Variants in RGS3 observed in about 807,000 individuals in gnomAD.
RGS3 encodes the protein regulator of G-protein signalling 3.
Under a neutral mutation model 132.6 loss-of-function variants are expected in RGS3, and 80 were observed. That is an observed-to-expected ratio of 0.60 (90% CI 0.50 to 0.73). RGS3 has a LOEUF of 0.73. RGS3 is among the 30% of genes least tolerant of loss of function. RGS3 has a pLI of 0.00. For missense variants in RGS3, 1,382 were observed against 1,530.8 expected, an observed-to-expected ratio of 0.90 and a Z score of 1.62; for synonymous variants, 598 against 620.6, an observed-to-expected ratio of 0.96 and a Z score of 0.54.
At chr9:113,525,455 C>T (rs1036945500) in intron 17 of RGS3, among the ~76,000 whole-genome samples, 2 of 152,162 alleles carry the variant, frequency 1.3e-5, no homozygotes, top group Admixed American at 1.3e-4. Flanking sequence ...TCCCCTGTGC[C>T]CCAAGAGACC....
At chr9:113,462,269 C>T (rs1829493756) in intron 3 of RGS3, 2 of 752,992 alleles carry the variant, frequency 2.7e-6, no homozygotes, top group Non-Finnish European at 1.8e-6. Context: ...CAGTGTTCAC[C>T]ATGTGTGTGT....
At chr9:113,467,705 G>A (rs1161364513) in intron 3 of RGS3, among the ~76,000 whole-genome samples, 3 of 151,802 alleles carry the variant, frequency 2.0e-5, no homozygotes, top group Non-Finnish European at 4.4e-5. Flanking sequence ...AGTGTTCATT[G>A]AATCCCAAAC....
intron 7 of RGS3, among the ~76,000 whole-genome samples, chr9:113,487,539 C>T (rs574506484): frequency 8.3e-4 from 127 of 152,264 alleles, no homozygotes; most frequent in African/African-American, 2.8e-3. Context: ...ACAATAGAGC[C>T]GGGATGGAAT....
upstream of RGS3, among the ~76,000 whole-genome samples, chr9:113,458,370 A>G (rs1349085614): frequency 6.6e-6 from 1 of 152,238 alleles, no homozygotes; most frequent in East Asian, 1.9e-4. Context: ...TTTGGTTGGT[A>G]GGCCATAGTT....
intron 17 of RGS3, among the ~76,000 whole-genome samples, chr9:113,527,248 G>A (rs1438430064): frequency 1.3e-5 from 2 of 152,186 alleles, no homozygotes; most frequent in African/African-American, 4.8e-5. Flanking sequence ...CTATTTCCCT[G>A]CAGCTCTCAT....
At chr9:113,531,916 G>C (rs1292194464) in intron 18 of RGS3, among the ~76,000 whole-genome samples, 2 of 152,228 alleles carry the variant, frequency 1.3e-5, no homozygotes, top group African/African-American at 4.8e-5. Context: ...TGGCTGAAGA[G>C]GTTTTGTTTT....
chr9:113,585,479 T>C (rs539539026), intron 20 of RGS3, among the ~76,000 whole-genome samples: 1 of 152,330 alleles, frequency 6.6e-6, no homozygotes, highest in South Asian at 2.1e-4. Context: ...GGTGTGAGGC[T>C]AGGTGAGTAG....
At position 113,479,517 on chromosome 9, in the gene RGS3, C is replaced by T; in HGVS notation, c.442C>T (p.Gln148Ter). 1 of 1,614,186 alleles carries T rather than the reference C, an allele frequency of 6.2e-7. No individual in the cohort carries two copies. Among genetic ancestry groups the T allele is most frequent in the South Asian group, 1.1e-5 (1 of 91,084 alleles). ...TCAGCTGAGGCTGTCCATTGATGCC[C>T]AGGACCGGGTTCTGCTGCTTCACAG... Residue 148 changes from glutamine (Q) to a stop codon, truncating the protein, a stop_gained, in exon 4 of 25, where the codon CAG becomes TAG. Coordinates refer to ENST00000350696, the Ensembl canonical transcript of RGS3. LOFTEE classifies it high-confidence loss of function.
upstream of RGS3, among the ~76,000 whole-genome samples, chr9:113,459,762 G>C (rs1476433319): frequency 6.6e-6 from 1 of 151,892 alleles, no homozygotes; most frequent in East Asian, 1.9e-4. Flanking sequence ...AAAGAGGCCG[G>C]GCTCAGTGGC....
In RGS3 at chr9:113,448,591, T is replaced by C. The variant is rs534156604; in HGVS notation, c.-13+3664T>C. ...CTTTCACTTTTTCTCTCATAGCCAC[T>C]ATTGGGGTTCACAGCTTGTCTGTTG... On this transcript the variant is annotated intron_variant, in intron 1 of 25. Transcript: ENST00000374140. 2.0e-5 allele frequency among the ~76,000 whole-genome samples: 3 copies of C among 152,314 alleles called. No homozygotes were observed. The East Asian group carries it at 5.8e-4, about 29-fold the overall frequency.
At chr9:113,472,359 G>A (rs980285155) in intron 3 of RGS3, among the ~76,000 whole-genome samples, 2 of 152,252 alleles carry the variant, frequency 1.3e-5, no homozygotes, top group South Asian at 2.1e-4. Context: ...CCAAAAAGTC[G>A]AAATAACCTG....
At chr9:113,502,529 C>G (rs1169957641) in intron 10 of RGS3, among the ~76,000 whole-genome samples, 1 of 152,220 alleles carries the variant, frequency 6.6e-6, no homozygotes. Flanking sequence ...AGGTTCTGCC[C>G]TTCAGGCCCC....
At position 113,553,501 on chromosome 9, in the gene RGS3, ATAT is replaced by A. The variant is rs1448343622; in HGVS notation, c.2037+16587_2037+16589del. 3.9e-5 allele frequency among the ~76,000 whole-genome samples: 5 copies of A among 128,986 alleles called. 1 individual carries two copies. Among genetic ancestry groups the A allele is most frequent in the African/African-American group, 5.7e-5 (2 of 35,208 alleles). The allele number at this position is 128,986 out of a possible 152,430, so 84.6% of individuals were successfully genotyped here. On this transcript the variant is annotated intron_variant, in intron 19 of 24. Coordinates refer to ENST00000350696, the Ensembl canonical transcript of RGS3. Reference sequence around the variant, plus strand: ...ATATATATATATATATGTATATATAATATTATATATAAATATATTATAGAAATA... The same window carrying A: ...ATATATATATATATATGTATATATAATATATATAAATATATTATAGAAATA...
intron 1 of RGS3, among the ~76,000 whole-genome samples, chr9:113,447,982 T>G (rs923046786): frequency 6.6e-6 from 1 of 151,534 alleles, no homozygotes; most frequent in Admixed American, 6.6e-5. Flanking sequence ...CTCAGCCTCA[T>G]GAGTAGCTGG....
intron 1 of RGS3, among the ~76,000 whole-genome samples, chr9:113,454,720 A>C (rs1025952627): frequency 2.0e-5 from 3 of 146,368 alleles, no homozygotes; most frequent in Non-Finnish European, 4.5e-5. Context: ...GGACAAGTAC[A>C]GCATTTAATC....
chr9:113,583,214 C>G, intron 19 of RGS3: 2 of 687,884 alleles, frequency 2.9e-6, no homozygotes, highest in Non-Finnish European at 4.7e-6. Context: ...TCCCTCTTCT[C>G]CTATAAATGA....
chr9:113,467,903 T>C (rs1829702005), intron 3 of RGS3, among the ~76,000 whole-genome samples: 1 of 152,280 alleles, frequency 6.6e-6, no homozygotes, highest in African/African-American at 2.4e-5. Context: ...TAAAAAAAAC[T>C]TTTTGTAGAG....
intron 7 of RGS3, among the ~76,000 whole-genome samples, chr9:113,494,457 A>G (rs1830620420): frequency 6.6e-6 from 1 of 152,160 alleles, no homozygotes; most frequent in African/African-American, 2.4e-5. Context: ...TATCATTATT[A>G]TTTTTTTGAG....
exon 16 of RGS3, chr9:113,517,579 G>T (rs774424833): frequency 1.3e-5 from 21 of 1,613,486 alleles, no homozygotes; most frequent in Non-Finnish European, 1.0e-5. Flanking sequence ...CCCTCCTGCT[G>T]TCAGAGGAGC....
Sources: allele counts gnomAD v4.1 joint callset (sites outside exome capture counted in the v4.1 genomes callset), GRCh38; gene constraint gnomAD v4.1.1; transcripts MANE v1.5; gene names NCBI Gene and HGNC (gene_info 2026-07-23, HGNC 2026-07-21).